The following DNAAF5 variants were observed in gnomAD, a reference collection of about 807,000 sequenced individuals.
The protein encoded by DNAAF5 is HEAT repeat containing 2.
Under a neutral mutation model 75.8 loss-of-function variants are expected in DNAAF5, and 64 were observed. That is an observed-to-expected ratio of 0.84 (90% confidence interval 0.69 to 1.04). The LOEUF (loss-of-function observed/expected upper bound fraction) is 1.04. Among genes scored for constraint, DNAAF5 ranks in the 50% least tolerant of loss-of-function variants. The pLI is 0.00. For missense variants in DNAAF5, 1,269 were observed against 1,178.5 expected, an observed-to-expected ratio of 1.08 and a Z score of -1.12; for synonymous variants, 657 against 557.2, an observed-to-expected ratio of 1.18 and a Z score of -2.52.
At position 741,480 on chromosome 7, in the gene DNAAF5, C is replaced by A; in HGVS notation, c.1024+15C>A. 7.2e-7 allele frequency: 1 copy of A among 1,388,938 alleles called. No individual in the cohort carries two copies. The highest frequency in any genetic ancestry group is 9.9e-7 in the Non-Finnish European group (1 of 1,014,110). The allele number at this position is 1,388,938 out of a possible 1,614,324, so 86.0% of individuals were successfully genotyped here. Reference sequence around the variant, plus strand: ...CCCTCCACATGGTGAGTGACCGCGGCAGAGGGGAGCGCCAGGAGGCGAGCC... The same window carrying A: ...CCCTCCACATGGTGAGTGACCGCGGAAGAGGGGAGCGCCAGGAGGCGAGCC... On this transcript the variant is annotated intron_variant, in intron 4 of 12. Transcript: ENST00000297440.
At chr7:760,480 G>C (rs946548365) in intron 6 of DNAAF5, among the ~76,000 whole-genome samples, 1 of 152,066 alleles carries the variant, frequency 6.6e-6, no homozygotes, top group African/African-American at 2.4e-5. Context: ...GACATTAGAG[G>C]GACGTTATAA....
In DNAAF5 at chr7:775,034, C is replaced by T. The variant is rs1340840329; in HGVS notation, c.2111C>T (p.Pro704Leu). Reference protein sequence around the residue: ...QIRDVQETLMPQVLTTLEEDS... With the variant: ...QIRDVQETLMLQVLTTLEEDS... ...CGGGACGTGCAGGAAACACTGATGC[C>T]CCAGGTCCTGACCACCCTGGAGGAG... is the stretch of plus-strand genomic sequence containing the variant. Residue 704 changes from proline to leucine, a missense_variant, in exon 11 of 13, where the codon CCC becomes CTC. Physicochemically the swap from Pro to Leu is moderately conservative, Grantham distance 98 (BLOSUM62 -3). Transcript: ENST00000297440. 2 of 1,613,652 alleles carry T rather than the reference C, an allele frequency of 1.2e-6. No individual in the cohort carries two copies. The highest frequency in any genetic ancestry group is 2.2e-5 in the East Asian group (1 of 44,886).
At chr7:756,536 C>T (rs1243581798) in intron 5 of DNAAF5, among the ~76,000 whole-genome samples, 1 of 152,200 alleles carries the variant, frequency 6.6e-6, no homozygotes, top group East Asian at 1.9e-4. Flanking sequence ...GACACAGCAT[C>T]CTTTGGGCCA....
intron 8 of DNAAF5, chr7:769,169 A>G: frequency 1.3e-6 from 1 of 775,018 alleles, no homozygotes; most frequent in South Asian, 1.4e-5. Flanking sequence ...CGCCAGGGAG[A>G]AGGCTCACAT....
chr7:768,148 C>T (rs1253788866), intron 8 of DNAAF5, among the ~76,000 whole-genome samples: 2 of 94,902 alleles, frequency 2.1e-5, no homozygotes, highest in Admixed American at 1.1e-4. Context: ...TGCGAGCGCT[C>T]GCGGCTGGGA....
intron 4 of DNAAF5, among the ~76,000 whole-genome samples, 175 bp downstream of exon 4, chr7:741,640 G>A (rs1464887650): frequency 6.6e-6 from 1 of 152,210 alleles, no homozygotes; most frequent in African/African-American, 2.4e-5. Flanking sequence ...GGCAGAGCAC[G>A]TCTCTCCTCA....
At chr7:783,525 G>A (rs1479102769) in intron 12 of DNAAF5, among the ~76,000 whole-genome samples, 1 of 152,218 alleles carries the variant, frequency 6.6e-6, no homozygotes, top group Non-Finnish European at 1.5e-5. Flanking sequence ...CCTGCCTTGA[G>A]TCGTGGAATC....
intron 6 of DNAAF5, among the ~76,000 whole-genome samples, chr7:761,314 GC>G (rs1228110152): frequency 2.0e-5 from 3 of 152,254 alleles, no homozygotes; most frequent in Non-Finnish European, 4.4e-5. Context: ...TAGACTAGGA[GC>G]CCCGGGCGGG....
At position 785,654 on chromosome 7, in the gene DNAAF5, C is replaced by T; in HGVS notation, c.*1C>T. 6.2e-7 allele frequency: 1 copy of T among 1,612,568 alleles called. No individual in the cohort carries two copies. Among genetic ancestry groups the T allele is most frequent in the Non-Finnish European group, 8.5e-7 (1 of 1,179,810 alleles). On this transcript the variant is annotated 3_prime_UTR_variant, in exon 13 of 13. Transcript: ENST00000297440. ...GCAGGCCGTGCCAGCCACACAGTGA[C>T]CACGCTGGTTTCAGCCACGGCACAC... is the stretch of plus-strand genomic sequence containing the variant.
chr7:748,572 G>A (rs151260482), intron 4 of DNAAF5, among the ~76,000 whole-genome samples: 274 of 152,230 alleles, frequency 1.8e-3, no homozygotes, highest in African/African-American at 6.3e-3. Context: ...TCCAGCTCCC[G>A]CTCCTCTCCT....
Position 774,094 on chromosome 7 carries a change from C to G in DNAAF5, c.1978C>G (p.Pro660Ala). 3 of 1,613,896 alleles carry G rather than the reference C, an allele frequency of 1.9e-6. No individual in the cohort carries two copies. The highest frequency in any genetic ancestry group is 2.5e-6 in the Non-Finnish European group (3 of 1,180,014). The change falls in exon 10 of 13, where the codon CCC (proline) becomes GCC (alanine). Residue 660 changes from proline (P) to alanine (A), a missense_variant. Coordinates refer to ENST00000297440, the MANE Select transcript of DNAAF5 (RefSeq NM_017802.4). ...GACGGTGACAAAGGACATCCTGGCC[C>G]CCAATCTGCAGTGGCATGCGGGGAG... Reference protein sequence around the residue: ...LETVTKDILAPNLQWHAGRTA... With the variant: ...LETVTKDILAANLQWHAGRTA...
intron 2 of DNAAF5, among the ~76,000 whole-genome samples, chr7:739,731 C>T (rs1254675281): frequency 1.3e-5 from 2 of 152,196 alleles, no homozygotes; most frequent in African/African-American, 4.8e-5. Context: ...TTCCAGGTGG[C>T]AATGAACTTC....
rs34761279 is a variant in DNAAF5 at position 754,834 on chromosome 7, A to G, written c.1257+13A>G. ...CGTGGTCCAAAGTGTAAGTGGCCGTATTCCAGTCGTGGTCGCGGAGCTGTA... is the reference window on the plus strand; with the variant it reads ...CGTGGTCCAAAGTGTAAGTGGCCGTGTTCCAGTCGTGGTCGCGGAGCTGTA... On this transcript the variant is annotated intron_variant, in intron 5 of 12. Transcript: ENST00000297440. The surrounding 1 kb of genome is among the most constrained non-coding windows in gnomAD (Gnocchi z 4.8). 0.83 allele frequency: 1,314,258 copies of G among 1,578,238 alleles called. 548,324 individuals are homozygous for G. The highest frequency in any genetic ancestry group is 0.9 in the South Asian group (79,597 of 88,926).
chr7:745,564 C>T (rs1436593639), intron 4 of DNAAF5, among the ~76,000 whole-genome samples: 2 of 152,128 alleles, frequency 1.3e-5, no homozygotes, highest in Non-Finnish European at 2.9e-5. Flanking sequence ...CACATCCTCG[C>T]ACATGTGCAC....
At chr7:745,643 A>G (rs1782072473) in intron 4 of DNAAF5, among the ~76,000 whole-genome samples, 1 of 150,754 alleles carries the variant, frequency 6.6e-6, no homozygotes, top group Non-Finnish European at 1.5e-5. Context: ...GTATATCCTC[A>G]CACACGTACA....
intron 4 of DNAAF5, among the ~76,000 whole-genome samples, chr7:741,879 C>T (rs1173611907): frequency 5.3e-5 from 8 of 152,168 alleles, no homozygotes; most frequent in Non-Finnish European, 1.2e-4. Flanking sequence ...ATCATTTCAC[C>T]AAGACAGAGC....
intron 12 of DNAAF5, among the ~76,000 whole-genome samples, chr7:782,032 G>A (rs953939938): frequency 2.0e-5 from 3 of 152,252 alleles, no homozygotes; most frequent in Non-Finnish European, 4.4e-5. Context: ...TGCCTCCTTT[G>A]GAAAATACTT....
At chr7:782,790 G>A (rs1350113783) in intron 12 of DNAAF5, among the ~76,000 whole-genome samples, 3 of 150,460 alleles carry the variant, frequency 2.0e-5, no homozygotes, top group African/African-American at 4.9e-5. Flanking sequence ...CTCCCGTCAC[G>A]CAGCGTCAGA....
In DNAAF5 at chr7:746,824, C is replaced by T. The variant is rs537359057; in HGVS notation, c.1024+5359C>T. On this transcript the variant is annotated intron_variant, in intron 4 of 12. Transcript: ENST00000297440. ...ATGTGGGCATCTCCACCGCCCAGAA[C>T]TGCTCATGGGCCCTGGCACTGCTGC... Among the ~76,000 whole-genome samples the T allele has an allele frequency of 2.3e-3, 349 of 152,368 alleles. 1 individual carries two copies. Among genetic ancestry groups the T allele is most frequent in the South Asian group, 6.8e-3 (33 of 4,832 alleles).
Sources: allele counts gnomAD v4.1 joint callset (sites outside exome capture counted in the v4.1 genomes callset), GRCh38; gene constraint gnomAD v4.1.1; non-coding constraint Gnocchi (gnomAD v3.1); transcripts MANE v1.5; gene names NCBI Gene and HGNC (gene_info 2026-07-23, HGNC 2026-07-21).